The following LRFN5 variants were observed in gnomAD, a reference collection of about 807,000 sequenced individuals.
The protein encoded by LRFN5 is leucine-rich repeat and fibronectin type-III domain-containing protein 5.
LRFN5 carries 24 observed loss-of-function variants against 45.6 expected under a neutral mutation model. The observed-to-expected ratio is 0.53, with a 90% confidence interval of 0.38 to 0.74. The LOEUF (loss-of-function observed/expected upper bound fraction) is 0.74, where lower values mean the gene tolerates loss of function less well. Among genes scored for constraint, LRFN5 ranks in the 30% least tolerant of loss-of-function variants. LRFN5 has a pLI of 0.00. For missense variants in LRFN5, 776 were observed against 861.5 expected, an observed-to-expected ratio of 0.90 and a Z score of 1.24; for synonymous variants, 340 against 313.8, an observed-to-expected ratio of 1.08 and a Z score of -0.88.
chr14:41,873,693 C>T (rs971007767), intron 2 of LRFN5, among the ~76,000 whole-genome samples: 2 of 152,044 alleles, frequency 1.3e-5, no homozygotes, highest in African/African-American at 4.8e-5. Context: ...ACCTCAATGC[C>T]CACAATAATA....
At chr14:41,752,540 T>C (rs1175225614) in intron 1 of LRFN5, among the ~76,000 whole-genome samples, 1 of 152,254 alleles carries the variant, frequency 6.6e-6, no homozygotes, top group Admixed American at 6.5e-5. Context: ...TTTTCATGTG[T>C]CTTTTCGCTG....
chr14:41,795,141 G>T (rs1310964418), intron 2 of LRFN5, among the ~76,000 whole-genome samples: 1 of 152,018 alleles, frequency 6.6e-6, no homozygotes, highest in Non-Finnish European at 1.5e-5. Context: ...TTTTTCAAAA[G>T]AAGACATTTA....
chr14:41,615,416 G>A (rs545693931), intron 1 of LRFN5, among the ~76,000 whole-genome samples: 4 of 152,066 alleles, frequency 2.6e-5, no homozygotes, highest in Admixed American at 6.6e-5. Context: ...CAATTGCTGT[G>A]CTTATGACTA....
intron 1 of LRFN5, chr14:41,731,994 T>C (rs1049767636): frequency 2.0e-5 from 3 of 152,186 alleles, no homozygotes; most frequent in African/African-American, 7.2e-5. Context: ...TGTCTTCTCA[T>C]CCAGACAACA....
At chr14:41,827,550 A>T (rs973779662) in intron 2 of LRFN5, among the ~76,000 whole-genome samples, 8 of 151,966 alleles carry the variant, frequency 5.3e-5, no homozygotes, top group Non-Finnish European at 8.8e-5. Context: ...AAAATTTTTT[A>T]AAAATGAAAA....
At chr14:41,744,994 A>G (rs1454479091) in intron 1 of LRFN5, among the ~76,000 whole-genome samples, 1 of 152,146 alleles carries the variant, frequency 6.6e-6, no homozygotes, top group Non-Finnish European at 1.5e-5. Context: ...GAAGATAAGA[A>G]GATAGAAGAT....
intron 2 of LRFN5, among the ~76,000 whole-genome samples, chr14:41,825,251 C>A (rs145660622): frequency 9.0e-4 from 137 of 152,258 alleles, no homozygotes; most frequent in African/African-American, 3.1e-3. Context: ...GACGCTTTTG[C>A]GCCAAGCCCC....
At chr14:41,829,988 C>T (rs959588388) in intron 2 of LRFN5, among the ~76,000 whole-genome samples, 18 of 151,314 alleles carry the variant, frequency 1.2e-4, no homozygotes, top group African/African-American at 4.3e-4. Flanking sequence ...AATAAACTTA[C>T]TATTTAGAGC....
At chr14:41,781,634 G>A (rs1469490031) in intron 2 of LRFN5, among the ~76,000 whole-genome samples, 3 of 115,008 alleles carry the variant, frequency 2.6e-5, no homozygotes, top group East Asian at 2.5e-4. Context: ...AAGAAAGAAA[G>A]GAAAGAAAGA....
At chr14:41,771,224 C>T (rs986872433) in intron 2 of LRFN5, among the ~76,000 whole-genome samples, 10 of 150,372 alleles carry the variant, frequency 6.7e-5, no homozygotes, top group Admixed American at 6.6e-5. Flanking sequence ...CCCAGAGGCC[C>T]AGGAGAATAG....
At chr14:41,784,782 C>T (rs1238670197) in intron 2 of LRFN5, among the ~76,000 whole-genome samples, 1 of 152,036 alleles carries the variant, frequency 6.6e-6, no homozygotes, top group African/African-American at 2.4e-5. Flanking sequence ...GTACGCACCA[C>T]TATACCCGGC....
chr14:41,617,740 T>G (rs1268376261), intron 1 of LRFN5, among the ~76,000 whole-genome samples: 1 of 152,196 alleles, frequency 6.6e-6, no homozygotes, highest in Non-Finnish European at 1.5e-5. Flanking sequence ...TGATTTGCCC[T>G]CTTTAATTTT....
intron 1 of LRFN5, among the ~76,000 whole-genome samples, chr14:41,755,569 C>T (rs1219330401): frequency 6.6e-6 from 1 of 152,134 alleles, no homozygotes; most frequent in Non-Finnish European, 1.5e-5. Context: ...TCTGTTTTAT[C>T]AGAGACTAGG....
At chr14:41,655,859 G>T (rs2138628484) in intron 1 of LRFN5, among the ~76,000 whole-genome samples, 1 of 152,098 alleles carries the variant, frequency 6.6e-6, no homozygotes, top group East Asian at 1.9e-4. Flanking sequence ...CTGTTGTTGA[G>T]ATGATGATAA....
chr14:41,711,531 C>A (rs544953986), intron 1 of LRFN5, among the ~76,000 whole-genome samples: 10 of 152,292 alleles, frequency 6.6e-5, no homozygotes, highest in African/African-American at 2.4e-4. Context: ...GAATTCAAAT[C>A]TCCCCATCAT....
At chr14:41,808,439 G>GGAGT (rs1887611732) in intron 2 of LRFN5, among the ~76,000 whole-genome samples, 1 of 132,986 alleles carries the variant, frequency 7.5e-6, no homozygotes, top group Non-Finnish European at 1.6e-5. Context: ...AAGAATCGAG[G>GGAGT]GAGGGAGGGA....
chr14:41,781,614 A>AAGAAAGAAAGAG (rs1886515570), intron 2 of LRFN5, among the ~76,000 whole-genome samples: 3 of 88,172 alleles, frequency 3.4e-5, no homozygotes, highest in Non-Finnish European at 6.8e-5. Flanking sequence ...GAAAGAAAGA[A>AAGAAAGAAAGAG]AGAGAAAGAA....
intron 2 of LRFN5, among the ~76,000 whole-genome samples, chr14:41,840,170 A>G (rs1386198514): frequency 1.3e-5 from 2 of 152,128 alleles, no homozygotes; most frequent in South Asian, 2.1e-4. Flanking sequence ...GTCCTAAAAG[A>G]TGTAGAAAAA....
At chr14:41,630,232 G>A (rs1246083929) in intron 1 of LRFN5, among the ~76,000 whole-genome samples, 1 of 152,120 alleles carries the variant, frequency 6.6e-6, no homozygotes, top group East Asian at 1.9e-4. Flanking sequence ...GAAGAGCTAG[G>A]AAGGACCTAT....
Sources: allele counts gnomAD v4.1 joint callset (sites outside exome capture counted in the v4.1 genomes callset), GRCh38; gene constraint gnomAD v4.1.1; transcripts MANE v1.5; gene names NCBI Gene and HGNC (gene_info 2026-07-23, HGNC 2026-07-21).